The following DDX10 variants were observed in gnomAD, a reference collection of about 807,000 sequenced individuals.
The protein encoded by DDX10 is probable ATP-dependent RNA helicase DDX10.
DDX10 carries 74 observed loss-of-function variants against 104.3 expected under a neutral mutation model. The observed-to-expected ratio is 0.71, with a 90% CI of 0.59 to 0.86. DDX10 has a LOEUF of 0.86. Ranked by LOEUF, DDX10 falls within the 40% of genes least tolerant of loss-of-function variation. The probability of loss-of-function intolerance (pLI) is 0.00; values close to 1 mark genes in which losing one functional copy is unlikely to be tolerated. For missense variants in DDX10, 952 were observed against 1,040.0 expected, an observed-to-expected ratio of 0.92 and a Z score of 1.16; for synonymous variants, 351 against 353.4, an observed-to-expected ratio of 0.99 and a Z score of 0.08.
intron 13 of DDX10, among the ~76,000 whole-genome samples, chr11:108,792,095 C>G (rs1416695774): frequency 1.3e-5 from 2 of 152,094 alleles, no homozygotes; most frequent in African/African-American, 4.8e-5. Flanking sequence ...AGTTTCTATT[C>G]AAATCTTCCA....
chr11:108,826,089 G>A (rs1231084973), intron 13 of DDX10, among the ~76,000 whole-genome samples: 2 of 152,248 alleles, frequency 1.3e-5, no homozygotes, highest in East Asian at 3.9e-4. Context: ...GTTTGAAATA[G>A]TACATTTAGT....
At chr11:108,903,192 C>T (rs1235658061) in intron 16 of DDX10, among the ~76,000 whole-genome samples, 5 of 152,160 alleles carry the variant, frequency 3.3e-5, no homozygotes, top group Admixed American at 1.3e-4. Flanking sequence ...CCAAAAGGAA[C>T]CTAGTACCCT....
At chr11:108,838,406 TTTTCCTAATCATC>T (rs1248476999) in intron 13 of DDX10, 27 bp from the exon 14 acceptor site, 1 of 1,585,716 alleles carries the variant, frequency 6.3e-7, no homozygotes, top group East Asian at 2.3e-5. Context: ...AAAGCAACCA[TTTTCCTAATCATC>T]TGTGTTTTTT....
chr11:108,797,014 T>C (rs1861950825), intron 13 of DDX10, among the ~76,000 whole-genome samples: 2 of 152,140 alleles, frequency 1.3e-5, no homozygotes, highest in Non-Finnish European at 2.9e-5. Flanking sequence ...TTGTTGTTGT[T>C]GTTCTTATTC....
At chr11:108,734,743 G>A (rs1484347614) in intron 13 of DDX10, among the ~76,000 whole-genome samples, 5 of 152,148 alleles carry the variant, frequency 3.3e-5, no homozygotes, top group African/African-American at 9.7e-5. Flanking sequence ...TTTTAAGGTA[G>A]TTACACAGGT....
chr11:108,767,626 C>T (rs1005776451), intron 13 of DDX10, among the ~76,000 whole-genome samples: 23 of 152,304 alleles, frequency 1.5e-4, no homozygotes, highest in African/African-American at 5.1e-4. Context: ...GCTATTTTAT[C>T]CCTTGTCCTT....
intron 13 of DDX10, among the ~76,000 whole-genome samples, chr11:108,789,455 AG>A (rs1222997914): frequency 6.6e-6 from 1 of 152,238 alleles, no homozygotes; most frequent in Non-Finnish European, 1.5e-5. Context: ...TTCAAAGAAA[AG>A]TCTGCAGCTA....
At chr11:108,745,852 C>A (rs1239061208) in intron 13 of DDX10, among the ~76,000 whole-genome samples, 1 of 152,156 alleles carries the variant, frequency 6.6e-6, no homozygotes, top group African/African-American at 2.4e-5. Context: ...ATTAGTGCAT[C>A]ATGTTATTCC....
intron 13 of DDX10, among the ~76,000 whole-genome samples, chr11:108,778,166 C>G (rs935955818): frequency 6.6e-6 from 1 of 152,172 alleles, no homozygotes; most frequent in Non-Finnish European, 1.5e-5. Flanking sequence ...GCTCCAATGA[C>G]TTTCTTCACA....
At chr11:108,712,768 TCTTC>T (rs1241647050) in intron 10 of DDX10, among the ~76,000 whole-genome samples, 12 of 152,152 alleles carry the variant, frequency 7.9e-5, no homozygotes, top group Non-Finnish European at 1.3e-4. Context: ...TTTGATGTGC[TCTTC>T]CTTTGTTATG....
chr11:108,821,992 C>T lies in DDX10; in HGVS notation c.1966-16454C>T, dbSNP rs113339686. ...TTTCACCAGTATTTCAATATATTCA[C>T]ATAACCAGTTATATAAATCTAAAAA... On this transcript the variant is annotated intron_variant, in intron 13 of 17. Coordinates refer to ENST00000322536, the MANE Select transcript of DDX10 (RefSeq NM_004398.4). Among the ~76,000 whole-genome samples, 887 of 152,318 alleles carry T rather than the reference C, an allele frequency of 5.8e-3. 3 individuals carry two copies. The highest frequency in any genetic ancestry group is 0.02 in the African/African-American group (823 of 41,564).
intron 13 of DDX10, among the ~76,000 whole-genome samples, chr11:108,827,874 T>C (rs1327289059): frequency 6.6e-6 from 1 of 152,212 alleles, no homozygotes; most frequent in Non-Finnish European, 1.5e-5. Flanking sequence ...TGATGCCATA[T>C]TTTCATTGGC....
intron 16 of DDX10, among the ~76,000 whole-genome samples, chr11:108,914,186 T>C (rs1863715332): frequency 6.6e-6 from 1 of 152,262 alleles, no homozygotes; most frequent in Admixed American, 6.5e-5. Flanking sequence ...AAGGTATTTA[T>C]ATTAAGTTTA....
At chr11:108,694,847 T>G (rs1004994012) in intron 9 of DDX10, among the ~76,000 whole-genome samples, 1 of 152,018 alleles carries the variant, frequency 6.6e-6, no homozygotes, top group African/African-American at 2.4e-5. Context: ...CACCACTGCA[T>G]TCCAGCCTGG....
intron 13 of DDX10, among the ~76,000 whole-genome samples, chr11:108,776,067 G>T (rs1006544622): frequency 2.0e-5 from 3 of 152,034 alleles, no homozygotes; most frequent in Admixed American, 2.0e-4. Flanking sequence ...GGACATTTGG[G>T]TTATTTCCAT....
chr11:108,852,225 C>T lies in DDX10; in HGVS notation c.2304+16C>T, dbSNP rs1276229800. On this transcript the variant is annotated intron_variant, in intron 16 of 17. Transcript: ENST00000322536. The stretch of plus-strand genomic sequence containing the variant: ...ACAAGCAAAGGTAAGGGTTTATATA[C>T]ATTTATTTTTCCAAGCTCTATTAAG... 6.2e-7 allele frequency: 1 copy of T among 1,600,076 alleles called. No individual in the cohort carries two copies. Among genetic ancestry groups the T allele is most frequent in the South Asian group, 1.1e-5 (1 of 88,650 alleles).
At chr11:108,929,269 CA>C (rs1863947385) in intron 17 of DDX10, among the ~76,000 whole-genome samples, 1 of 152,096 alleles carries the variant, frequency 6.6e-6, no homozygotes, top group Non-Finnish European at 1.5e-5. Flanking sequence ...GCCTTGAAAA[CA>C]ATAACTGATG....
chr11:108,677,048 G>T, intron 3 of DDX10, 37 bp from the exon 4 acceptor site: 1 of 1,576,478 alleles, frequency 6.3e-7, no homozygotes, highest in Non-Finnish European at 8.6e-7. Flanking sequence ...GCTGACTTCT[G>T]ATGACTTACT....
At chr11:108,898,660 G>GAAA (rs754676674) in intron 16 of DDX10, among the ~76,000 whole-genome samples, 4 of 104,754 alleles carry the variant, frequency 3.8e-5, no homozygotes, top group South Asian at 3.1e-4. Flanking sequence ...AAATTTTGGA[G>GAAA]AAAAAAAAAA....
Sources: gnomAD v4.1 joint callset for allele counts (sites outside exome capture counted in the v4.1 genomes callset) on GRCh38, gnomAD v4.1.1 for gene constraint, MANE v1.5 for transcripts, NCBI Gene and HGNC (gene_info 2026-07-23, HGNC 2026-07-21) for gene names.